LRP1B: variants seen among roughly 807,000 people sequenced by gnomAD.
LRP1B encodes low-density lipoprotein receptor-related protein 1B.
Under a neutral mutation model 556.6 loss-of-function variants are expected in LRP1B, and 217 were observed. The ratio of observed to expected loss-of-function variants is 0.39; its 90% confidence interval spans 0.35 to 0.44. LRP1B has a LOEUF of 0.44. Ranked by LOEUF, LRP1B falls within the 20% of genes least tolerant of loss-of-function variation. The pLI, the probability that LRP1B is intolerant of heterozygous loss-of-function variation, is 1.00. For synonymous variants in LRP1B, 2,047 were observed against 1,865.8 expected (o/e 1.10, Z -2.50); for missense variants, 5,053 against 5,620.8 (o/e 0.90, Z 3.23).
At chr2:140,252,928 G>C (rs767953299) in intron 86 of LRP1B, among the ~76,000 whole-genome samples, 1 of 151,846 alleles carries the variant, frequency 6.6e-6, no homozygotes, top group African/African-American at 2.4e-5. Flanking sequence ...AATTTTGAAC[G>C]TCTACAGCAA....
At chr2:141,782,015 C>A (rs1287630865) in intron 2 of LRP1B, among the ~76,000 whole-genome samples, 2 of 152,008 alleles carry the variant, frequency 1.3e-5, no homozygotes, top group South Asian at 2.1e-4. Context: ...GGTCTCTGAC[C>A]TATTTTACCA....
intron 1 of LRP1B, among the ~76,000 whole-genome samples, chr2:141,986,673 C>T (rs989712926): frequency 2.0e-5 from 3 of 151,850 alleles, no homozygotes; most frequent in South Asian, 4.1e-4. Context: ...TAAATGGTGA[C>T]GTATGTTGAC....
At chr2:141,574,531 C>T (rs75042588) in intron 2 of LRP1B, among the ~76,000 whole-genome samples, 52,908 of 151,868 alleles carry the variant, frequency 0.35, 9,498 homozygotes, top group East Asian at 0.54. Context: ...GAAGCATTGC[C>T]TTTGAAAACT....
chr2:140,815,360 G>A (rs1488228420), intron 31 of LRP1B, among the ~76,000 whole-genome samples: 1 of 152,014 alleles, frequency 6.6e-6, no homozygotes, highest in Non-Finnish European at 1.5e-5. Flanking sequence ...CGGCTAGAAT[G>A]CAGTGGCACA....
At chr2:141,889,443 G>C (rs1216712798) in intron 1 of LRP1B, among the ~76,000 whole-genome samples, 6 of 152,114 alleles carry the variant, frequency 3.9e-5, no homozygotes, top group Non-Finnish European at 7.4e-5. Context: ...TGGATGGAAA[G>C]GACTTAAAGT....
At chr2:141,839,082 C>G (rs185131242) in intron 1 of LRP1B, among the ~76,000 whole-genome samples, 1 of 152,244 alleles carries the variant, frequency 6.6e-6, no homozygotes, top group African/African-American at 2.4e-5. Context: ...TATACTTTAA[C>G]AAAGATGTCT....
chr2:141,077,548 G>T (rs974953591), intron 7 of LRP1B, among the ~76,000 whole-genome samples: 1 of 152,064 alleles, frequency 6.6e-6, no homozygotes, highest in Non-Finnish European at 1.5e-5. Flanking sequence ...CTGTTTTGAG[G>T]GTACTTCGTG....
In LRP1B at chr2:141,236,086, A is replaced by T. The variant is rs536189303; in HGVS notation, c.593-6646T>A. 2.0e-5 allele frequency among the ~76,000 whole-genome samples: 3 copies of T among 152,276 alleles called. No individual in the cohort carries two copies. The South Asian group carries it at 6.2e-4, about 32-fold the overall frequency. ...GGGTGGGTAAAATATAGTGAGAAAG[A>T]TAAGTAGAATACAGTAGGAAGTATA... On this transcript the variant is annotated intron_variant, in intron 5 of 90. Coordinates refer to ENST00000389484, the MANE Select transcript of LRP1B (RefSeq NM_018557.3).
chr2:141,038,543 A>G (rs1344863779), intron 11 of LRP1B, among the ~76,000 whole-genome samples: 2 of 152,092 alleles, frequency 1.3e-5, no homozygotes, highest in African/African-American at 2.4e-5. Flanking sequence ...TGGTTACACA[A>G]TGACTATTAC....
intron 1 of LRP1B, among the ~76,000 whole-genome samples, chr2:141,894,847 C>G (rs752096390): frequency 6.6e-6 from 1 of 151,518 alleles, no homozygotes; most frequent in Non-Finnish European, 1.5e-5. Flanking sequence ...GTTGGGAGTT[C>G]GAGACCAGCC....
chr2:140,493,519 C>T (rs1574001089), intron 56 of LRP1B, among the ~76,000 whole-genome samples: 1 of 152,052 alleles, frequency 6.6e-6, no homozygotes, highest in East Asian at 1.9e-4. Flanking sequence ...AATTTGACCA[C>T]ATTCTCAGTG....
chr2:140,384,278 G>C (rs1683664665), intron 67 of LRP1B, among the ~76,000 whole-genome samples: 1 of 152,120 alleles, frequency 6.6e-6, no homozygotes, highest in Admixed American at 6.6e-5. Flanking sequence ...AAGCTAAGTA[G>C]ATATTTGTGC....
intron 9 of LRP1B, 29 bp downstream of exon 9, chr2:141,058,854 G>A (rs2105462354): frequency 6.5e-7 from 1 of 1,539,400 alleles, no homozygotes; most frequent in South Asian, 1.3e-5. Flanking sequence ...CTACCATTAG[G>A]AAGGTAATAA....
chr2:140,631,806 TA>T (rs893663989), intron 41 of LRP1B, among the ~76,000 whole-genome samples: 5 of 152,122 alleles, frequency 3.3e-5, no homozygotes, highest in Non-Finnish European at 5.9e-5. Flanking sequence ...CAGAGAACAC[TA>T]AGCAGAATAA....
At chr2:141,865,469 G>A (rs1214926223) in intron 1 of LRP1B, among the ~76,000 whole-genome samples, 1 of 149,168 alleles carries the variant, frequency 6.7e-6, no homozygotes, top group Non-Finnish European at 1.5e-5. Context: ...GCGGGCGCCT[G>A]TAGTCCCAGC....
chr2:140,901,606 A>G (rs1485851533), intron 23 of LRP1B, among the ~76,000 whole-genome samples: 1 of 151,942 alleles, frequency 6.6e-6, no homozygotes, highest in Non-Finnish European at 1.5e-5. Flanking sequence ...AAAATGTACA[A>G]TTACATTATT....
At chr2:140,445,734 C>G (rs2105306870) in intron 63 of LRP1B, among the ~76,000 whole-genome samples, 1 of 152,156 alleles carries the variant, frequency 6.6e-6, no homozygotes, top group South Asian at 2.1e-4. Flanking sequence ...TTGGCATTAC[C>G]ATTTTAGCAA....
intron 7 of LRP1B, among the ~76,000 whole-genome samples, chr2:141,069,160 C>T (rs1699564888): frequency 1.3e-5 from 2 of 151,972 alleles, no homozygotes; most frequent in Non-Finnish European, 2.9e-5. Flanking sequence ...TGCAGTCCAT[C>T]CTTATCCCCA....
chr2:140,866,794 T>C lies in LRP1B; in HGVS notation c.4579+796A>G, dbSNP rs546374340. On this transcript the variant is annotated intron_variant, in intron 27 of 90. Coordinates refer to ENST00000389484, the MANE Select transcript of LRP1B (RefSeq NM_018557.3). Reference sequence around the variant, plus strand: ...TTTTAGTCAAGTCTAAAAGATACTATAATACAAATTTTAAAAATAAGGCTC... The same window carrying C: ...TTTTAGTCAAGTCTAAAAGATACTACAATACAAATTTTAAAAATAAGGCTC... Among the ~76,000 whole-genome samples, 20 of 152,154 alleles carry C rather than the reference T, an allele frequency of 1.3e-4. 1 individual carries two copies. In the South Asian group the frequency reaches 4.1e-3, roughly 32 times the overall value.
Sources: gnomAD v4.1 joint callset for allele counts (sites outside exome capture counted in the v4.1 genomes callset) on GRCh38, gnomAD v4.1.1 for gene constraint, MANE v1.5 for transcripts, NCBI Gene and HGNC (gene_info 2026-07-23, HGNC 2026-07-21) for gene names.